The following DACT2 variants were observed in gnomAD, a reference collection of about 807,000 sequenced individuals.
The protein encoded by DACT2 is dishevelled binding antagonist of beta catenin 2.
A neutral mutation model predicts 22.2 loss-of-function variants in DACT2; 20 were observed. The observed-to-expected ratio is 0.90, with a 90% CI of 0.63 to 1.31. DACT2 has a LOEUF of 1.31. DACT2 is among the 50% of genes most tolerant of loss of function. The pLI is 0.00. For missense variants in DACT2, 1,048 were observed against 1,061.4 expected (o/e 0.99, Z 0.18); for synonymous variants, 463 against 479.8 (o/e 0.96, Z 0.46).
chr6:168,308,680 A>G lies in DACT2; in HGVS notation c.1077T>C (p.His359=). The part of the protein sequence containing the change: ...GSEGEQGPLR[H]AASPSPQRQG... ...GCCTCTGTGGAGATGGGGACGCTGC[A>G]TGCCTTAGAGGTCCCTGTTCTCCCT... Residue 359 remains histidine, a synonymous_variant, in exon 4 of 4, where the codon CAT becomes CAC. Transcript: ENST00000366795. The G allele has an allele frequency of 6.5e-7, 1 of 1,545,996 alleles. No homozygotes were observed. The highest frequency in any genetic ancestry group is 8.7e-7 in the Non-Finnish European group (1 of 1,146,840).
intron 2 of DACT2, 41 bp downstream of exon 2, chr6:168,311,111 G>C (rs776953101): frequency 6.7e-7 from 1 of 1,491,346 alleles, no homozygotes; most frequent in Non-Finnish European, 9.0e-7. Flanking sequence ...CCTGTGCTGC[G>C]TGCCTGCCCC....
In DACT2 at chr6:168,308,763, C is replaced by T. The variant is rs935216597; in HGVS notation, c.994G>A (p.Ala332Thr). The change falls in exon 4 of 4, where the codon GCT (alanine) becomes ACT (threonine). Residue 332 changes from alanine to threonine, a missense_variant. Ala to Thr is a moderately conservative substitution (Grantham distance 58, BLOSUM62 0). Transcript: ENST00000366795. Reference sequence around the variant, plus strand: ...AGATGCAGCAACCTGTCGATATAAGCTCTGGCCCTGGCCGGGCCAGCCTCG... The same window carrying T: ...AGATGCAGCAACCTGTCGATATAAGTTCTGGCCCTGGCCGGGCCAGCCTCG... ...VLEAGPARAR[A>T]YIDRLLHLWG... 1 of 1,551,420 alleles carries T rather than the reference C, an allele frequency of 6.4e-7. No individual in the cohort carries two copies. The highest frequency in any genetic ancestry group is 2.0e-5 in the Admixed American group (1 of 51,014).
At position 168,306,941 on chromosome 6, in the gene DACT2, T is replaced by C; in HGVS notation, c.*491A>G. The C allele has an allele frequency of 3.0e-6, 3 of 990,494 alleles. No individual in the cohort carries two copies. The highest frequency in any genetic ancestry group is 3.6e-6 in the Non-Finnish European group (3 of 832,936). 61.4% of individuals were successfully genotyped at this position (990,494 alleles called of 1,614,324 possible). ...AAAAAAATGTTCCTTTTATTTGAGA[T>C]CATGGCATAATTTGGGTGTTTGTGT... On this transcript the variant is annotated 3_prime_UTR_variant, in exon 4 of 4. Coordinates refer to ENST00000366795, the MANE Select transcript of DACT2 (RefSeq NM_214462.5).
chr6:168,298,983 A>G (rs544131388), intron 3 of DACT2: 107 of 152,308 alleles, frequency 7.0e-4, no homozygotes, highest in African/African-American at 2.4e-3. Flanking sequence ...TTAATCATAT[A>G]TACTCGTTAA....
chr6:168,292,992 A>G (rs1342068368), exon 6 of DACT2: 1 of 152,250 alleles, frequency 6.6e-6, no homozygotes, highest in Non-Finnish European at 1.5e-5. Context: ...ATCCTAAAAA[A>G]AAATTTACAA....
chr6:168,315,103 G>A (rs1466869764), intron 1 of DACT2, among the ~76,000 whole-genome samples: 3 of 152,226 alleles, frequency 2.0e-5, no homozygotes, highest in Non-Finnish European at 4.4e-5. Context: ...AGCATGGAAT[G>A]TGGGAAGCTG....
chr6:168,310,275 A>C lies in DACT2; in HGVS notation c.551T>G (p.Val184Gly). The change falls in exon 3 of 4, where the codon GTG (valine) becomes GGG (glycine). Residue 184 changes from valine (V) to glycine (G), a missense_variant. Val to Gly is a moderately radical substitution (Grantham distance 109, BLOSUM62 -3). Coordinates refer to ENST00000366795, the MANE Select transcript of DACT2 (RefSeq NM_214462.5). ...WRPRSVDETTVPAWRPQATEE... is the reference protein window; with the variant it reads ...WRPRSVDETTGPAWRPQATEE... Reference sequence around the variant, plus strand: ...GGTAGCCTGGGGTCTCCACGCTGGCACAGTAGTCTCATCAACCGACCGGGG... The same window carrying C: ...GGTAGCCTGGGGTCTCCACGCTGGCCCAGTAGTCTCATCAACCGACCGGGG... 1 of 1,551,502 alleles carries C rather than the reference A, an allele frequency of 6.4e-7. No homozygotes were observed. Among genetic ancestry groups the C allele is most frequent in the Non-Finnish European group, 8.7e-7 (1 of 1,146,994 alleles).
At chr6:168,304,756 G>A (rs187449604), downstream of DACT2, among the ~76,000 whole-genome samples, 7 of 152,314 alleles carry the variant, frequency 4.6e-5, no homozygotes, top group East Asian at 1.9e-4. Flanking sequence ...GGAGGAAGCC[G>A]ACTCAGCCAG....
Position 168,307,460 on chromosome 6 carries a change from G to C in DACT2, c.2297C>G (p.Thr766Arg). ...CACCATGGTCATGACCTTCAGGGCC[G>C]TCGGCTGGAACCTGCGGATCTTCTT... ...LKKKIRRFQPTALKVMTMV is the reference protein window; with the variant it reads ...LKKKIRRFQPRALKVMTMV Residue 766 changes from threonine to arginine, a missense_variant, in exon 4 of 4, where the codon ACG becomes AGG. Physicochemically the swap from Thr to Arg is moderately conservative, Grantham distance 71. Transcript: ENST00000366795. The surrounding 1 kb of genome is among the most constrained non-coding windows in gnomAD (Gnocchi z 5.3). The C allele has an allele frequency of 6.4e-7, 1 of 1,551,682 alleles. No homozygotes were observed. The highest frequency in any genetic ancestry group is 1.7e-4 in the Middle Eastern group (1 of 5,992).
intron 1 of DACT2, among the ~76,000 whole-genome samples, chr6:168,311,682 TCACA>T (rs1175268432): frequency 1.4e-5 from 2 of 145,180 alleles, no homozygotes; most frequent in African/African-American, 5.3e-5. Context: ...ACACACACAC[TCACA>T]CACACACATA....
At chr6:168,312,505 A>G (rs959767322) in intron 1 of DACT2, among the ~76,000 whole-genome samples, 2 of 152,208 alleles carry the variant, frequency 1.3e-5, no homozygotes, top group African/African-American at 4.8e-5. Flanking sequence ...CTGTGTATTT[A>G]GAAGTTTCCA....
rs868106021 is a variant in DACT2, at chr6:168,307,739, C to T, written c.2018G>A (p.Arg673Gln). The T allele has an allele frequency of 1.6e-5, 25 of 1,548,942 alleles. No individual in the cohort carries two copies. The highest frequency in any genetic ancestry group is 4.1e-5 in the African/African-American group (3 of 73,048). ...PSKHSAECDP[R>Q]FPSVIPETSE... ...GGTCTCCGGGATGACTGACGGGAAC[C>T]GCGGGTCACACTCGGCCGAGTGCTT... is the stretch of plus-strand genomic sequence containing the variant. Residue 673 changes from arginine to glutamine, a missense_variant, in exon 4 of 4, where the codon CGG becomes CAG. Physicochemically the swap from Arg to Gln is conservative, Grantham distance 43 (BLOSUM62 1). Coordinates refer to ENST00000366795, the MANE Select transcript of DACT2 (RefSeq NM_214462.5). This position sits in a 1 kb window ranked among gnomAD's most constrained non-coding sequence, Gnocchi z 5.3.
downstream of DACT2, among the ~76,000 whole-genome samples, chr6:168,303,103 C>T (rs1042380854): frequency 2.6e-5 from 4 of 152,102 alleles, no homozygotes; most frequent in Admixed American, 6.5e-5. Flanking sequence ...TTCATTTATT[C>T]GCAGAGATTA....
downstream of DACT2, among the ~76,000 whole-genome samples, chr6:168,303,486 C>T (rs948268283): frequency 1.3e-5 from 2 of 152,202 alleles, no homozygotes; most frequent in Non-Finnish European, 2.9e-5. Flanking sequence ...GCTTCTGTCT[C>T]TTGCTTCTTC....
At position 168,319,472 on chromosome 6, in the gene DACT2, C is replaced by A; in HGVS notation, c.162G>T (p.Ala54=). Residue 54 remains alanine (A), a synonymous_variant, in exon 1 of 4, where the codon GCG becomes GCT. Transcript: ENST00000366795. ...CGTGGGGGCCGCAGGGCGCGGCGGG[C>A]GCGGGCGGGGGCTGCAGGGCCAGGG... The part of the protein sequence containing the change: ...RGALALQPPP[A]PAAPCGPHGL... 8.3e-7 allele frequency: 1 copy of A among 1,203,240 alleles called. No homozygotes were observed. Among genetic ancestry groups the A allele is most frequent in the Non-Finnish European group, 1.0e-6 (1 of 970,770 alleles). 74.5% of individuals were successfully genotyped at this position (1,203,240 alleles called of 1,614,324 possible). A position where few individuals can be genotyped will look rare whatever the true frequency, so the allele number is the denominator to read the frequency against.
intron 3 of DACT2, among the ~76,000 whole-genome samples, chr6:168,296,164 G>C (rs1779004990): frequency 6.9e-6 from 1 of 144,822 alleles, no homozygotes; most frequent in Non-Finnish European, 1.5e-5. Flanking sequence ...CAGACACCCG[G>C]AATCACGGAA....
At chr6:168,309,124 A>G in intron 3 of DACT2, 26 bp from the exon 4 acceptor site, 1 of 1,490,112 alleles carries the variant, frequency 6.7e-7, no homozygotes, top group Non-Finnish European at 8.9e-7. Flanking sequence ...ATGAACAAAC[A>G]CGTAACTACG....
At chr6:168,303,277 C>T (rs573268020), downstream of DACT2, among the ~76,000 whole-genome samples, 20 of 152,120 alleles carry the variant, frequency 1.3e-4, no homozygotes, top group Non-Finnish European at 2.5e-4. Context: ...TGGTTTGTCT[C>T]CACCAAAACC....
intron 1 of DACT2, among the ~76,000 whole-genome samples, chr6:168,315,885 G>A (rs1352025594): frequency 6.6e-6 from 1 of 152,190 alleles, no homozygotes; most frequent in Non-Finnish European, 1.5e-5. Context: ...GTTCCAGCAA[G>A]CAAGGCTGTT....
Sources: allele counts gnomAD v4.1 joint callset (sites outside exome capture counted in the v4.1 genomes callset), GRCh38; gene constraint gnomAD v4.1.1; non-coding constraint Gnocchi (gnomAD v3.1); transcripts MANE v1.5; gene names NCBI Gene and HGNC (gene_info 2026-07-23, HGNC 2026-07-21).